The following SMAP1 variants were observed in gnomAD, a reference collection of about 807,000 sequenced individuals.
The protein encoded by SMAP1 is small ArfGAP 1, also known as stromal membrane-associated protein 1.
In SMAP1, 24 loss-of-function variants were observed where a neutral mutation model predicts 58.5. The ratio of observed to expected loss-of-function variants is 0.41; its 90% CI spans 0.30 to 0.58. The LOEUF is 0.58. SMAP1 is among the 20% of genes least tolerant of loss of function. SMAP1 has a pLI of 0.29. For synonymous variants in SMAP1, 216 were observed against 196.6 expected (o/e 1.10, Z -0.82); for missense variants, 563 against 566.3 (o/e 0.99, Z 0.06).
At chr6:70,733,568 G>T (rs995268776) in intron 2 of SMAP1, among the ~76,000 whole-genome samples, 3 of 152,126 alleles carry the variant, frequency 2.0e-5, no homozygotes, top group African/African-American at 7.2e-5. Flanking sequence ...TTGAGACAGG[G>T]TCTTGCTATG....
At position 70,782,769 on chromosome 6, in the gene SMAP1, A is replaced by T. The variant is rs151084665; in HGVS notation, c.415-8920A>T. Among the ~76,000 whole-genome samples the T allele has an allele frequency of 2.0e-3, 310 of 152,158 alleles. 1 individual carries two copies. The highest frequency in any genetic ancestry group is 6.1e-3 in the African/African-American group (253 of 41,536). On this transcript the variant is annotated intron_variant, in intron 4 of 10. Coordinates refer to ENST00000370455, the MANE Select transcript of SMAP1 (RefSeq NM_001044305.3). ...GAGTGAGGGCTTTATTGTTCTTTGG[A>T]TTTGAAGAGAGGCCAACAACCTCCA...
chr6:70,791,897 G>A (rs1768378804), intron 5 of SMAP1, 128 bp downstream of exon 5: 6 of 679,446 alleles, frequency 8.8e-6, no homozygotes, highest in Admixed American at 3.4e-5. Flanking sequence ...AATTAAAACA[G>A]CAATTTCTAG....
chr6:70,755,489 G>C (rs1487417071), intron 3 of SMAP1, among the ~76,000 whole-genome samples: 1 of 152,006 alleles, frequency 6.6e-6, no homozygotes, highest in African/African-American at 2.4e-5. Context: ...TATGCTTTGT[G>C]TTAGAAGATT....
chr6:70,685,612 T>G (rs1279987232), intron 1 of SMAP1, among the ~76,000 whole-genome samples: 1 of 151,972 alleles, frequency 6.6e-6, no homozygotes, highest in Non-Finnish European at 1.5e-5. Flanking sequence ...TGCATATACT[T>G]AGTGGACATG....
rs578207175 is a variant in SMAP1, at chr6:70,802,935, G to A, written c.576+4198G>A. 2.0e-5 allele frequency among the ~76,000 whole-genome samples: 3 copies of A among 152,210 alleles called. No individual in the cohort carries two copies. In the South Asian group the frequency reaches 6.2e-4, roughly 32 times the overall value. ...GTATTTTATTGAGGATTTTCGCATC[G>A]ATGTTCATCAGGGATATTGGTCTAA... On this transcript the variant is annotated intron_variant, in intron 6 of 10. Transcript: ENST00000370455.
Position 70,798,687 on chromosome 6 carries a change from AAG to A in SMAP1, c.532_533del (p.Glu178LysfsTer13). On this transcript the variant is annotated frameshift_variant, in exon 6 of 11. Transcript: ENST00000370455. LOFTEE classifies it high-confidence loss of function. The stretch of plus-strand genomic sequence containing the variant: ...AAAGGAAAAAAAAAAGGAAGAGAAA[AAG>A]AGAGAAAAGGAGCCAGAAAAGCCGG... Reference protein sequence around the residue: ...KEKEKKKEEKKREKEPEKPAK... With the variant: ...KEKEKKKEEKXREKEPEKPAK... 2 of 1,553,466 alleles carry A rather than the reference AAG, an allele frequency of 1.3e-6. No individual in the cohort carries two copies. Among genetic ancestry groups the A allele is most frequent in the Admixed American group, 1.9e-5 (1 of 52,020 alleles).
chr6:70,795,343 A>C (rs940307253), intron 5 of SMAP1, among the ~76,000 whole-genome samples: 3 of 152,190 alleles, frequency 2.0e-5, no homozygotes, highest in Admixed American at 6.5e-5. Context: ...GGCTACTCTA[A>C]CACTATACCA....
At chr6:70,809,898 A>G (rs893130311) in intron 6 of SMAP1, among the ~76,000 whole-genome samples, 2 of 152,192 alleles carry the variant, frequency 1.3e-5, no homozygotes, top group African/African-American at 4.8e-5. Context: ...CAGTATCACT[A>G]TATATTAGGT....
At chr6:70,778,532 C>A (rs1338924629) in intron 4 of SMAP1, among the ~76,000 whole-genome samples, 1 of 152,182 alleles carries the variant, frequency 6.6e-6, no homozygotes, top group Admixed American at 6.5e-5. Context: ...ATATGTTAAA[C>A]CATTTATGCA....
chr6:70,832,971 TA>T (rs1433426195), intron 6 of SMAP1, among the ~76,000 whole-genome samples: 9 of 152,188 alleles, frequency 5.9e-5, no homozygotes, highest in Non-Finnish European at 1.2e-4. Context: ...ACTAGGAACA[TA>T]AGTACTTACT....
intron 6 of SMAP1, among the ~76,000 whole-genome samples, chr6:70,816,297 A>C (rs551420345): frequency 6.6e-6 from 1 of 152,162 alleles, no homozygotes; most frequent in Non-Finnish European, 1.5e-5. Flanking sequence ...AGAGAGCCTT[A>C]AATTTCGTGA....
chr6:70,700,088 T>G (rs141068035), intron 1 of SMAP1, among the ~76,000 whole-genome samples: 207 of 152,134 alleles, frequency 1.4e-3, no homozygotes, highest in African/African-American at 4.8e-3. Flanking sequence ...CCTCGTACCT[T>G]CGTGCTGTTC....
intron 3 of SMAP1, among the ~76,000 whole-genome samples, chr6:70,765,448 T>C (rs1766928719): frequency 6.6e-6 from 1 of 152,196 alleles, no homozygotes; most frequent in Non-Finnish European, 1.5e-5. Flanking sequence ...GTTATATACA[T>C]ACATTTAAGG....
In SMAP1 at chr6:70,860,930, A is replaced by G. The variant is rs1032932223; in HGVS notation, c.*596A>G. 3 of 377,706 alleles carry G rather than the reference A, an allele frequency of 7.9e-6. No homozygotes were observed. The highest frequency in any genetic ancestry group is 4.5e-5 in the Admixed American group (1 of 22,068). 23.4% of individuals were successfully genotyped at this position (377,706 alleles called of 1,614,324 possible). ...AAAACTTCGTTTAATGAATGCTTAA[A>G]GAATTCAAATTTTATCTGCCTCTCT... On this transcript the variant is annotated 3_prime_UTR_variant, in exon 11 of 11. Coordinates refer to ENST00000370455, the MANE Select transcript of SMAP1 (RefSeq NM_001044305.3).
intron 1 of SMAP1, among the ~76,000 whole-genome samples, chr6:70,725,114 TTTTTTTTTTTTTTTTTTTTTG>T (rs1768714265): frequency 9.1e-6 from 1 of 109,898 alleles, no homozygotes; most frequent in Non-Finnish European, 1.8e-5. Flanking sequence ...TTTTTTTTTT[TTTTTTTTTTTTTTTTTTTTTG>T]AGACGGAGTC....
At chr6:70,838,979 G>T (rs1194770695) in intron 7 of SMAP1, among the ~76,000 whole-genome samples, 1 of 152,106 alleles carries the variant, frequency 6.6e-6, no homozygotes, top group East Asian at 1.9e-4. Flanking sequence ...AGGTAAATCT[G>T]ATACTTTCAG....
chr6:70,692,987 G>A (rs1366056733), intron 1 of SMAP1, among the ~76,000 whole-genome samples: 2 of 152,112 alleles, frequency 1.3e-5, no homozygotes, highest in Non-Finnish European at 2.9e-5. Context: ...GTTTCACCAT[G>A]TTAGCCAGGA....
intron 4 of SMAP1, among the ~76,000 whole-genome samples, chr6:70,783,433 C>T (rs183784750): frequency 1.6e-4 from 24 of 152,262 alleles, no homozygotes; most frequent in Admixed American, 8.5e-4. Context: ...TCACCAGCAA[C>T]GGAACAATGC....
At chr6:70,813,724 T>TA (rs143094022) in intron 6 of SMAP1, among the ~76,000 whole-genome samples, 36,432 of 151,862 alleles carry the variant, frequency 0.24, 5,425 homozygotes, top group Non-Finnish European at 0.33. Context: ...TTAACATTTT[T>TA]AAAAAAATAT....
Sources: gnomAD v4.1 joint callset for allele counts (sites outside exome capture counted in the v4.1 genomes callset) on GRCh38, gnomAD v4.1.1 for gene constraint, MANE v1.5 for transcripts, NCBI Gene and HGNC (gene_info 2026-07-23, HGNC 2026-07-21) for gene names.